Variants in HNF4G observed in about 807,000 individuals in gnomAD.
HNF4G encodes hepatocyte nuclear factor 4-gamma.
Under a neutral mutation model 50.9 loss-of-function variants are expected in HNF4G, and 21 were observed. The ratio of observed to expected loss-of-function variants is 0.41; its 90% CI spans 0.29 to 0.59. The LOEUF (loss-of-function observed/expected upper bound fraction) is 0.59. Among genes scored for constraint, HNF4G ranks in the 20% least tolerant of loss-of-function variants. The pLI is 0.26. For synonymous variants in HNF4G, 198 were observed against 185.6 expected (o/e 1.07, Z -0.54); for missense variants, 527 against 559.4 (o/e 0.94, Z 0.58).
At chr8:75,482,384 TAGA>T (rs902341128) in intron 1 of HNF4G, among the ~76,000 whole-genome samples, 5 of 152,000 alleles carry the variant, frequency 3.3e-5, no homozygotes, top group African/African-American at 9.7e-5. Context: ...GCTCCATTTT[TAGA>T]AGGAGTCTCT....
chr8:75,514,697 A>G (rs1007465420), intron 2 of HNF4G, among the ~76,000 whole-genome samples: 4 of 152,124 alleles, frequency 2.6e-5, no homozygotes, highest in African/African-American at 9.7e-5. Flanking sequence ...CATTTTTTAA[A>G]TAAATAAAGC....
intron 2 of HNF4G, among the ~76,000 whole-genome samples, chr8:75,497,122 C>A (rs564617300): frequency 6.6e-6 from 1 of 151,298 alleles, no homozygotes; most frequent in Non-Finnish European, 1.5e-5. Flanking sequence ...GACTAAGAAC[C>A]AAACAGGGTT....
chr8:75,411,715 T>C (rs1810509232), intron 1 of HNF4G, among the ~76,000 whole-genome samples: 1 of 152,126 alleles, frequency 6.6e-6, no homozygotes, highest in Non-Finnish European at 1.5e-5. Context: ...AGCTGCGTGG[T>C]GTATAAGTCA....
At chr8:75,497,955 A>C (rs1230471785) in intron 2 of HNF4G, among the ~76,000 whole-genome samples, 1 of 152,096 alleles carries the variant, frequency 6.6e-6, no homozygotes, top group Non-Finnish European at 1.5e-5. Flanking sequence ...ACCCTACTGA[A>C]ATTTTTAAAA....
chr8:75,443,726 A>G (rs1420365630), intron 1 of HNF4G, among the ~76,000 whole-genome samples: 1 of 152,130 alleles, frequency 6.6e-6, no homozygotes, highest in Non-Finnish European at 1.5e-5. Context: ...TTTTTCACCT[A>G]TCTATATTGT....
intron 1 of HNF4G, among the ~76,000 whole-genome samples, chr8:75,411,195 T>C (rs890823335): frequency 2.0e-5 from 3 of 152,062 alleles, no homozygotes; most frequent in South Asian, 2.1e-4. Context: ...GGCTGCTCCA[T>C]GTCCTCATTG....
intron 1 of HNF4G, among the ~76,000 whole-genome samples, chr8:75,454,210 C>T (rs1811663098): frequency 6.6e-6 from 1 of 151,904 alleles, no homozygotes. Flanking sequence ...AGGCCCTCAC[C>T]AGAACTCAAT....
intron 1 of HNF4G, among the ~76,000 whole-genome samples, chr8:75,439,803 C>A (rs1338891454): frequency 1.3e-5 from 2 of 151,982 alleles, no homozygotes; most frequent in African/African-American, 4.8e-5. Flanking sequence ...ATGTTATAAA[C>A]ATAATATAAT....
chr8:75,434,679 C>A (rs1811096075), intron 1 of HNF4G, among the ~76,000 whole-genome samples: 1 of 150,920 alleles, frequency 6.6e-6, no homozygotes, highest in Non-Finnish European at 1.5e-5. Flanking sequence ...AAGGCCAACA[C>A]ACACACACAC....
intron 1 of HNF4G, among the ~76,000 whole-genome samples, chr8:75,430,809 A>C (rs1810999645): frequency 6.6e-6 from 1 of 152,206 alleles, no homozygotes; most frequent in Non-Finnish European, 1.5e-5. Context: ...ATGAGATTGC[A>C]TTAAAAAGAT....
chr8:75,465,125 T>C (rs1295457174), intron 1 of HNF4G, among the ~76,000 whole-genome samples: 5 of 152,170 alleles, frequency 3.3e-5, no homozygotes, highest in African/African-American at 7.2e-5. Flanking sequence ...AGGGATGATA[T>C]GGTATTATGA....
At chr8:75,517,683 G>A (rs1805928079) in intron 2 of HNF4G, among the ~76,000 whole-genome samples, 1 of 152,132 alleles carries the variant, frequency 6.6e-6, no homozygotes, top group Non-Finnish European at 1.5e-5. Context: ...GGCTTTGCAG[G>A]GTACAGCCCC....
chr8:75,460,188 C>T (rs79447393), intron 1 of HNF4G, among the ~76,000 whole-genome samples: 15,538 of 152,074 alleles, frequency 0.1, 881 homozygotes, highest in Non-Finnish European at 0.12. Context: ...TTGTTTCCTA[C>T]AGGCCTGATT....
Position 75,504,230 on chromosome 8 carries a change from GACACACACACACAC to G in HNF4G, c.-24+14055_-24+14068del, listed in dbSNP as rs201513424. ...AGTAAGACTTTGTCCAAAGCACACA[GACACACACACACAC>G]ACACACACACACACACACACACACA... is the stretch of plus-strand genomic sequence containing the variant. On this transcript the variant is annotated intron_variant, in intron 2 of 10. Coordinates refer to the HNF4G transcript ENST00000354370. 1.7e-3 allele frequency among the ~76,000 whole-genome samples: 189 copies of G among 108,314 alleles called. 3 individuals carry two copies. The South Asian group carries it at 0.034, about 19-fold the overall frequency. 71.1% of individuals were successfully genotyped at this position (108,314 alleles called of 152,430 possible).
intron 9 of HNF4G, 66 bp downstream of exon 9, chr8:75,560,532 G>A: frequency 9.2e-6 from 14 of 1,518,108 alleles, no homozygotes; most frequent in African/African-American, 1.4e-5. Context: ...TGGAATTGTG[G>A]GAAAGAATCT....
rs1282233386 is a variant in HNF4G, at chr8:75,553,033, T to A, written c.490-9T>A. 1 of 1,593,050 alleles carries A rather than the reference T, an allele frequency of 6.3e-7. No individual in the cohort carries two copies. Among genetic ancestry groups the A allele is most frequent in the African/African-American group, 1.4e-5 (1 of 73,728 alleles). On this transcript the variant is annotated splice_polypyrimidine_tract_variant and intron_variant, in intron 4 of 9. Transcript: ENST00000396423. The stretch of plus-strand genomic sequence containing the variant: ...TTAAATGATAATATAATGCTTTTCT[T>A]AATACTAGATCTCAGTCTCAAGCCC...
intron 1 of HNF4G, among the ~76,000 whole-genome samples, chr8:75,415,691 A>T (rs886446933): frequency 6.6e-5 from 10 of 151,752 alleles, no homozygotes; most frequent in African/African-American, 2.4e-4. Flanking sequence ...AGGCGCAGAG[A>T]CTCGGGGCCA....
intron 3 of HNF4G, among the ~76,000 whole-genome samples, chr8:75,551,174 T>C (rs1806941982): frequency 6.6e-6 from 1 of 152,106 alleles, no homozygotes; most frequent in African/African-American, 2.4e-5. Context: ...CATGCTGTCA[T>C]GAAGTCTCAA....
intron 1 of HNF4G, among the ~76,000 whole-genome samples, chr8:75,420,615 C>T (rs1036539904): frequency 2.0e-5 from 3 of 152,230 alleles, no homozygotes; most frequent in Admixed American, 6.5e-5. Context: ...ATCTCCCACA[C>T]ATAAACATCA....
Sources: allele counts gnomAD v4.1 joint callset (sites outside exome capture counted in the v4.1 genomes callset), GRCh38; gene constraint gnomAD v4.1.1; transcripts MANE v1.5; gene names NCBI Gene and HGNC (gene_info 2026-07-23, HGNC 2026-07-21).